The following NAALADL2 variants were observed in gnomAD, a reference collection of about 807,000 sequenced individuals.
NAALADL2 encodes the protein inactive N-acetylated-alpha-linked acidic dipeptidase-like protein 2.
In NAALADL2, 76 loss-of-function variants were observed where a neutral mutation model predicts 87.2. The ratio of observed to expected loss-of-function variants is 0.87; its 90% CI spans 0.72 to 1.05. The LOEUF (loss-of-function observed/expected upper bound fraction) is 1.05, where lower values mean the gene tolerates loss of function less well. NAALADL2 is among the 50% of genes least tolerant of loss of function. The pLI is 0.00. For synonymous variants in NAALADL2, 354 were observed against 331.0 expected (o/e 1.07, Z -0.75); for missense variants, 1,089 against 945.8 (o/e 1.15, Z -1.99).
intron 1 of NAALADL2, among the ~76,000 whole-genome samples, chr3:174,999,758 A>T (rs1381544995): frequency 1.3e-5 from 2 of 152,214 alleles, no homozygotes; most frequent in Non-Finnish European, 2.9e-5. Flanking sequence ...AACTTTGGAC[A>T]CAGACATTTT....
At chr3:175,651,337 G>A (rs1350214212) in intron 11 of NAALADL2, among the ~76,000 whole-genome samples, 1 of 152,104 alleles carries the variant, frequency 6.6e-6, no homozygotes, top group Non-Finnish European at 1.5e-5. Flanking sequence ...AATTTTTGTA[G>A]TATGATCTCA....
At chr3:175,454,004 G>A (rs1721955669) in intron 6 of NAALADL2, among the ~76,000 whole-genome samples, 1 of 151,996 alleles carries the variant, frequency 6.6e-6, no homozygotes, top group Non-Finnish European at 1.5e-5. Context: ...CTTGTTTTGA[G>A]TATTAATTTT....
At chr3:174,701,900 T>C (rs1429043931) in intron 2 of NAALADL2, among the ~76,000 whole-genome samples, 1 of 152,204 alleles carries the variant, frequency 6.6e-6, no homozygotes, top group African/African-American at 2.4e-5. Context: ...GCTTTTAACA[T>C]TTGCGTACAA....
chr3:174,740,800 A>T (rs935646467), intron 3 of NAALADL2, among the ~76,000 whole-genome samples: 4 of 151,848 alleles, frequency 2.6e-5, no homozygotes, highest in Non-Finnish European at 5.9e-5. Flanking sequence ...GAGTGTCTAG[A>T]TGCTGGGGCT....
intron 1 of NAALADL2, among the ~76,000 whole-genome samples, chr3:175,087,022 A>G (rs1719093907): frequency 6.6e-6 from 1 of 152,096 alleles, no homozygotes; most frequent in South Asian, 2.1e-4. Context: ...CTATTTTTTT[A>G]TATTAATGGG....
intron 1 of NAALADL2, among the ~76,000 whole-genome samples, chr3:174,531,391 G>A (rs1278275689): frequency 1.3e-5 from 2 of 151,974 alleles, no homozygotes; most frequent in East Asian, 3.9e-4. Flanking sequence ...ATGTAATCTT[G>A]TGAAGAGGCA....
intron 11 of NAALADL2, among the ~76,000 whole-genome samples, chr3:175,711,032 A>C (rs918080490): frequency 1.3e-4 from 20 of 151,940 alleles, no homozygotes; most frequent in Admixed American, 2.0e-4. Context: ...ATACAAAGAT[A>C]TTGTTCAAGT....
chr3:175,228,225 C>T (rs1042361651), intron 2 of NAALADL2, among the ~76,000 whole-genome samples: 3 of 151,872 alleles, frequency 2.0e-5, no homozygotes, highest in Non-Finnish European at 2.9e-5. Context: ...AATGGTATCA[C>T]CTCAATCAAT....
intron 2 of NAALADL2, among the ~76,000 whole-genome samples, chr3:174,672,759 C>A (rs549142): frequency 0.64 from 96,346 of 151,134 alleles, 31,391 homozygotes; most frequent in Admixed American, 0.72. Context: ...TTGAGGACAG[C>A]AAATGCAAGA....
chr3:175,567,959 G>A (rs9819033), intron 9 of NAALADL2, among the ~76,000 whole-genome samples: 6,590 of 152,016 alleles, frequency 0.043, 315 homozygotes, highest in African/African-American at 0.12. Flanking sequence ...CAAGTAATCT[G>A]CCTGCCTTGG....
At chr3:175,082,575 T>C (rs1718087202) in intron 1 of NAALADL2, among the ~76,000 whole-genome samples, 1 of 152,232 alleles carries the variant, frequency 6.6e-6, no homozygotes, top group South Asian at 2.1e-4. Context: ...GCACTTTATT[T>C]TTTAAGAACA....
At chr3:174,551,762 A>G (rs1712152535) in intron 2 of NAALADL2, among the ~76,000 whole-genome samples, 3 of 152,260 alleles carry the variant, frequency 2.0e-5, no homozygotes, top group Admixed American at 1.3e-4. Context: ...TGTGTAACAC[A>G]TACTAATATT....
intron 11 of NAALADL2, among the ~76,000 whole-genome samples, chr3:175,721,974 A>G (rs995584434): frequency 1.3e-5 from 2 of 152,098 alleles, no homozygotes; most frequent in African/African-American, 4.8e-5. Context: ...TGGTATGTTT[A>G]CCAAATTTTC....
chr3:174,957,465 A>T (rs1177075430), intron 1 of NAALADL2, among the ~76,000 whole-genome samples: 2 of 152,142 alleles, frequency 1.3e-5, no homozygotes, highest in South Asian at 2.1e-4. Context: ...TTTGAGTAGT[A>T]TTTTTGTTAT....
intron 11 of NAALADL2, among the ~76,000 whole-genome samples, chr3:175,726,464 C>G (rs1742936264): frequency 6.6e-6 from 1 of 152,074 alleles, no homozygotes; most frequent in Non-Finnish European, 1.5e-5. Flanking sequence ...CAATTGGTAG[C>G]TAGTGAATCA....
chr3:175,394,996 T>G (rs557513984), intron 5 of NAALADL2, among the ~76,000 whole-genome samples: 1 of 152,268 alleles, frequency 6.6e-6, no homozygotes, highest in East Asian at 1.9e-4. Context: ...CTGCTTATCT[T>G]TGGCATGTCA....
intron 4 of NAALADL2, among the ~76,000 whole-genome samples, chr3:175,292,869 C>G (rs1755818460): frequency 6.6e-6 from 1 of 151,606 alleles, no homozygotes; most frequent in African/African-American, 2.4e-5. Flanking sequence ...AACCCCGTCT[C>G]TACTAAAAAT....
intron 2 of NAALADL2, among the ~76,000 whole-genome samples, chr3:175,184,836 C>T (rs547147941): frequency 1.3e-5 from 2 of 152,246 alleles, no homozygotes; most frequent in East Asian, 3.9e-4. Context: ...GCAAGGATAA[C>T]ACCTTCATTG....
chr3:175,344,216 A>G (rs558626247), intron 5 of NAALADL2, among the ~76,000 whole-genome samples: 1 of 152,228 alleles, frequency 6.6e-6, no homozygotes, highest in African/African-American at 2.4e-5. Context: ...CCAGCTGCAT[A>G]AAAATCAGCA....
Sources: allele counts gnomAD v4.1 joint callset (sites outside exome capture counted in the v4.1 genomes callset), GRCh38; gene constraint gnomAD v4.1.1; transcripts MANE v1.5; gene names NCBI Gene and HGNC (gene_info 2026-07-23, HGNC 2026-07-21).